ANO2: variants seen among roughly 807,000 people sequenced by gnomAD.
The protein encoded by ANO2 is anoctamin-2.
ANO2 carries 101 observed loss-of-function variants against 124.2 expected under a neutral mutation model. The observed-to-expected ratio is 0.81, with a 90% CI of 0.69 to 0.96. ANO2 has a LOEUF of 0.96. Ranked by LOEUF, ANO2 falls within the 40% of genes least tolerant of loss-of-function variation. ANO2 has a pLI of 0.00. For missense variants in ANO2, 1,293 were observed against 1,274.5 expected (o/e 1.01, Z -0.22); for synonymous variants, 486 against 482.5 (o/e 1.01, Z -0.09).
intron 10 of ANO2, among the ~76,000 whole-genome samples, chr12:5,751,348 A>C (rs560893939): frequency 6.6e-6 from 1 of 152,230 alleles, no homozygotes; most frequent in African/African-American, 2.4e-5. Flanking sequence ...CCCATAAGAA[A>C]ACACACCTTT....
intron 14 of ANO2, among the ~76,000 whole-genome samples, chr12:5,706,007 G>A (rs11063828): frequency 0.12 from 18,901 of 152,160 alleles, 1,291 homozygotes; most frequent in East Asian, 0.22. Context: ...AGGTTGACAC[G>A]GTGCCCTTCT....
At chr12:5,850,143 C>T (rs1482295988) in intron 4 of ANO2, among the ~76,000 whole-genome samples, 1 of 151,166 alleles carries the variant, frequency 6.6e-6, no homozygotes, top group Non-Finnish European at 1.5e-5. Context: ...GGGCCGGGTG[C>T]AGTGGCTCAT....
At chr12:5,902,158 A>G (rs556847904) in intron 3 of ANO2, among the ~76,000 whole-genome samples, 1 of 152,350 alleles carries the variant, frequency 6.6e-6, no homozygotes, top group African/African-American at 2.4e-5. Context: ...CCTCACTTCG[A>G]ACAAACTTGA....
intron 14 of ANO2, among the ~76,000 whole-genome samples, chr12:5,672,600 CACATGCATGTGTGTGT>C (rs1948066295): frequency 4.0e-5 from 2 of 49,920 alleles, no homozygotes; most frequent in Non-Finnish European, 7.2e-5. Flanking sequence ...TGTGTGTGTG[CACATGCATGTGTGTGT>C]GCACATGTGT....
At chr12:5,680,311 G>A (rs2136999712) in intron 14 of ANO2, among the ~76,000 whole-genome samples, 1 of 152,138 alleles carries the variant, frequency 6.6e-6, no homozygotes, top group South Asian at 2.1e-4. Context: ...TTAATGAAAA[G>A]AAAAAGAATC....
chr12:5,840,147 T>G (rs1024360901), intron 4 of ANO2, among the ~76,000 whole-genome samples: 1 of 152,184 alleles, frequency 6.6e-6, no homozygotes, highest in Admixed American at 6.5e-5. Context: ...GCGAGACACA[T>G]GTTAGCCAGC....
At chr12:5,737,248 T>A (rs1042018147) in intron 13 of ANO2, among the ~76,000 whole-genome samples, 3 of 152,212 alleles carry the variant, frequency 2.0e-5, no homozygotes, top group African/African-American at 7.2e-5. Flanking sequence ...GGAGATCCCA[T>A]CCGGAAAGTC....
At chr12:5,608,002 A>C (rs1242393561) in intron 19 of ANO2, among the ~76,000 whole-genome samples, 1 of 152,036 alleles carries the variant, frequency 6.6e-6, no homozygotes, top group Non-Finnish European at 1.5e-5. Flanking sequence ...CCACGGAAAA[A>C]CTGTCTTCCA....
intron 20 of ANO2, among the ~76,000 whole-genome samples, chr12:5,589,390 C>T (rs1362689167): frequency 1.3e-5 from 2 of 152,030 alleles, no homozygotes; most frequent in African/African-American, 2.4e-5. Flanking sequence ...ATAAGGATAA[C>T]CACCTCTCTT....
chr12:5,757,138 C>T (rs1951605892), intron 10 of ANO2, among the ~76,000 whole-genome samples: 1 of 152,214 alleles, frequency 6.6e-6, no homozygotes, highest in South Asian at 2.1e-4. Flanking sequence ...CCAGAGCTCT[C>T]ATAAAGGTCT....
intron 14 of ANO2, among the ~76,000 whole-genome samples, chr12:5,682,531 C>CA (rs1469482301): frequency 1.3e-5 from 2 of 152,134 alleles, no homozygotes; most frequent in Middle Eastern, 3.2e-3. Context: ...GGGCTGCAGG[C>CA]AAGGCTAAGA....
At chr12:5,811,437 C>T (rs538738341) in intron 7 of ANO2, among the ~76,000 whole-genome samples, 12 of 152,184 alleles carry the variant, frequency 7.9e-5, no homozygotes, top group Non-Finnish European at 1.3e-4. Flanking sequence ...GTTTACAACA[C>T]ACAACATGGT....
chr12:5,570,014 T>C (rs1942007043), intron 23 of ANO2, among the ~76,000 whole-genome samples: 1 of 152,246 alleles, frequency 6.6e-6, no homozygotes, highest in Non-Finnish European at 1.5e-5. Context: ...TACATTTTTA[T>C]AGTAAGCTTT....
rs779424459 is a variant in ANO2, at chr12:5,635,287, C to A, written c.1681G>T (p.Ala561Ser). 2 of 1,608,738 alleles carry A rather than the reference C, an allele frequency of 1.2e-6. No individual in the cohort carries two copies. Among genetic ancestry groups the A allele is most frequent in the Non-Finnish European group, 1.7e-6 (2 of 1,178,506 alleles). The change falls in exon 16 of 25, where the codon GCT becomes TCT. Residue 561 changes from alanine to serine, a missense_variant. By Grantham distance (99) the Ala-to-Ser change is moderately conservative (BLOSUM62 1). Coordinates refer to ENST00000682330, the MANE Select transcript of ANO2 (RefSeq NM_001364791.2). The surrounding 1 kb of genome is among the most constrained non-coding windows in gnomAD (Gnocchi z 5.2). ...VIVYRITTAAALSLNKATRSN... is the reference protein window; with the variant it reads ...VIVYRITTAASLSLNKATRSN... ...CGTGTAGCCTTATTGAGAGACAGAGCGGCTGCAGTTGTTATTCGATACACT... is the reference window on the plus strand; with the variant it reads ...CGTGTAGCCTTATTGAGAGACAGAGAGGCTGCAGTTGTTATTCGATACACT...
chr12:5,777,321 A>G (rs999476628), intron 10 of ANO2, among the ~76,000 whole-genome samples: 1 of 152,210 alleles, frequency 6.6e-6, no homozygotes, highest in Non-Finnish European at 1.5e-5. Context: ...AGCTCTGCAG[A>G]GAAGTAAAGA....
chr12:5,898,556 G>A (rs906790557), intron 3 of ANO2, among the ~76,000 whole-genome samples: 6 of 152,176 alleles, frequency 3.9e-5, no homozygotes, highest in Non-Finnish European at 8.8e-5. Context: ...ATCCAGTAAC[G>A]CATAAACCAC....
intron 4 of ANO2, chr12:5,839,655 A>G (rs751291361): frequency 6.1e-5 from 28 of 455,688 alleles, no homozygotes; most frequent in Non-Finnish European, 1.0e-4. Context: ...CCCTGGAGAA[A>G]CACAAGGATG....
At chr12:5,860,086 C>T (rs1034097478) in intron 3 of ANO2, among the ~76,000 whole-genome samples, 21 of 152,168 alleles carry the variant, frequency 1.4e-4, no homozygotes, top group African/African-American at 4.8e-4. Context: ...GGCTCCAGCA[C>T]CCAGCCCTTC....
intron 1 of ANO2, among the ~76,000 whole-genome samples, chr12:5,929,163 C>T (rs1182018300): frequency 1.7e-5 from 2 of 120,586 alleles, no homozygotes; most frequent in Non-Finnish European, 3.4e-5. Flanking sequence ...CACTTTCTTA[C>T]CAGTCTTCCT....
Sources: allele counts gnomAD v4.1 joint callset (sites outside exome capture counted in the v4.1 genomes callset), GRCh38; gene constraint gnomAD v4.1.1; non-coding constraint Gnocchi (gnomAD v3.1); transcripts MANE v1.5; gene names NCBI Gene and HGNC (gene_info 2026-07-23, HGNC 2026-07-21).